Variants in ZBTB20 observed in about 807,000 individuals in gnomAD.
The protein encoded by ZBTB20 is zinc finger and BTB domain containing 20.
Under a neutral mutation model 56.9 loss-of-function variants are expected in ZBTB20, and 9 were observed. That is an observed-to-expected ratio of 0.16 (90% confidence interval 0.10 to 0.28). ZBTB20 has a LOEUF of 0.28. Among genes scored for constraint, ZBTB20 ranks in the 10% least tolerant of loss-of-function variants. The pLI, the probability that ZBTB20 is intolerant of heterozygous loss-of-function variation, is 1.00. For synonymous variants in ZBTB20, 417 were observed against 420.7 expected (o/e 0.99, Z 0.11); for missense variants, 655 against 1,003.0 (o/e 0.65, Z 4.69).
chr3:114,380,452 G>C, intron 9 of ZBTB20, 48 bp from the exon 10 acceptor site: 1 of 1,459,574 alleles, frequency 6.9e-7, no homozygotes, highest in Non-Finnish European at 9.0e-7. Flanking sequence ...GCATATTTGG[G>C]AAAAGGCATT....
intron 6 of ZBTB20, among the ~76,000 whole-genome samples, chr3:114,674,514 T>C (rs906630467): frequency 5.9e-5 from 9 of 152,194 alleles, no homozygotes; most frequent in African/African-American, 2.2e-4. Context: ...CCTTGCTCTA[T>C]TTTTAATTAT....
intron 1 of ZBTB20, among the ~76,000 whole-genome samples, chr3:115,098,013 G>T (rs1386693633): frequency 6.6e-6 from 1 of 152,066 alleles, no homozygotes; most frequent in Non-Finnish European, 1.5e-5. Flanking sequence ...ACATAAAAAT[G>T]GCTACATTAT....
At chr3:114,408,882 T>C (rs1477929861) in intron 7 of ZBTB20, among the ~76,000 whole-genome samples, 2 of 152,180 alleles carry the variant, frequency 1.3e-5, no homozygotes, top group African/African-American at 2.4e-5. Flanking sequence ...TCTGATTCTC[T>C]CACACTGCCT....
At chr3:114,399,360 G>C (rs1397093641) in intron 7 of ZBTB20, among the ~76,000 whole-genome samples, 1 of 152,064 alleles carries the variant, frequency 6.6e-6, no homozygotes, top group Non-Finnish European at 1.5e-5. Context: ...ATGTTTACTT[G>C]TGTTTACCTT....
chr3:115,079,379 C>CTTAT (rs150432470), intron 1 of ZBTB20, among the ~76,000 whole-genome samples: 134,642 of 149,522 alleles, frequency 0.9, 61,856 homozygotes, highest in East Asian at 0.99. Flanking sequence ...TCAAGTCTTT[C>CTTAT]TTATTTATTT....
intron 3 of ZBTB20, among the ~76,000 whole-genome samples, chr3:114,958,258 T>C (rs1442377027): frequency 6.6e-6 from 1 of 152,258 alleles, no homozygotes; most frequent in Non-Finnish European, 1.5e-5. Context: ...GGAGAAATCA[T>C]GATTACTGTC....
At chr3:115,056,656 G>T (rs909395073) in intron 2 of ZBTB20, among the ~76,000 whole-genome samples, 4 of 152,196 alleles carry the variant, frequency 2.6e-5, no homozygotes, top group South Asian at 4.1e-4. Context: ...ACTAATGATT[G>T]CGTGAGGGTA....
At chr3:114,460,024 G>A (rs1193189309) in intron 7 of ZBTB20, among the ~76,000 whole-genome samples, 2 of 151,944 alleles carry the variant, frequency 1.3e-5, no homozygotes, top group East Asian at 1.9e-4. Flanking sequence ...AGAGCTGAGT[G>A]GCAGAGATAT....
In ZBTB20 at chr3:114,319,824, A is replaced by G. The variant is rs2078829207; in HGVS notation, c.*19181T>C. 2 of 151,866 alleles carry G rather than the reference A, an allele frequency of 1.3e-5. No individual in the cohort carries two copies. The highest frequency in any genetic ancestry group is 1.3e-4 in the Admixed American group (2 of 15,258). The allele number at this position is 151,866 out of a possible 1,614,324, so 9.4% of individuals were successfully genotyped here. On this transcript the variant is annotated 3_prime_UTR_variant, in exon 12 of 12. Coordinates refer to ENST00000675478, the MANE Select transcript of ZBTB20 (RefSeq NM_001348800.3). ...CTCAAGCATATACATATATATATAT[A>G]TATAAGCATATACATATATATATAC...
At chr3:114,800,793 A>G (rs1480712282) in intron 5 of ZBTB20, among the ~76,000 whole-genome samples, 2 of 149,304 alleles carry the variant, frequency 1.3e-5, no homozygotes, top group African/African-American at 2.5e-5. Flanking sequence ...AATAAAATAA[A>G]ATAAAAAAGC....
intron 6 of ZBTB20, among the ~76,000 whole-genome samples, chr3:114,631,605 C>T (rs71321419): frequency 2.0e-5 from 3 of 151,790 alleles, no homozygotes; most frequent in Non-Finnish European, 4.4e-5. Context: ...ATTGGTCAGG[C>T]TGGTCTTGAA....
intron 3 of ZBTB20, among the ~76,000 whole-genome samples, chr3:114,953,632 TTGA>T (rs2077149726): frequency 6.6e-6 from 1 of 152,014 alleles, no homozygotes; most frequent in Admixed American, 6.6e-5. Flanking sequence ...TCATATAATG[TTGA>T]AGAGTTAATT....
intron 3 of ZBTB20, among the ~76,000 whole-genome samples, chr3:114,925,719 G>A (rs149155822): frequency 0.016 from 2,373 of 152,104 alleles, 29 homozygotes; most frequent in African/African-American, 0.03. Flanking sequence ...GTAGAGACGG[G>A]GTTTCACCAT....
intron 2 of ZBTB20, among the ~76,000 whole-genome samples, chr3:115,022,209 T>G (rs1289551796): frequency 2.0e-5 from 3 of 150,840 alleles, no homozygotes; most frequent in Non-Finnish European, 4.5e-5. Context: ...TTTAAAAGTA[T>G]AATTTATTTA....
At chr3:114,798,123 G>A (rs528259360) in intron 5 of ZBTB20, among the ~76,000 whole-genome samples, 3 of 151,562 alleles carry the variant, frequency 2.0e-5, no homozygotes, top group South Asian at 4.2e-4. Flanking sequence ...ACCATGCGTC[G>A]TACACACCCT....
intron 7 of ZBTB20, among the ~76,000 whole-genome samples, chr3:114,438,253 G>C (rs1297393106): frequency 1.3e-5 from 2 of 152,018 alleles, no homozygotes; most frequent in African/African-American, 4.8e-5. Context: ...GGATGTGTTT[G>C]ATCACATGAT....
intron 6 of ZBTB20, among the ~76,000 whole-genome samples, chr3:114,692,658 C>A (rs2062768541): frequency 6.6e-6 from 1 of 152,116 alleles, no homozygotes; most frequent in South Asian, 2.1e-4. Context: ...CATTTCAATG[C>A]AGGTCAGCCT....
chr3:114,830,915 T>C (rs1049438622), intron 4 of ZBTB20, among the ~76,000 whole-genome samples: 3 of 151,738 alleles, frequency 2.0e-5, no homozygotes, highest in South Asian at 4.2e-4. Flanking sequence ...TACAAAAAGA[T>C]AGGGGGCTCA....
chr3:114,645,970 G>C (rs957602003), intron 6 of ZBTB20, among the ~76,000 whole-genome samples: 1 of 151,950 alleles, frequency 6.6e-6, no homozygotes, highest in African/African-American at 2.4e-5. Flanking sequence ...CCAAAGCACA[G>C]AGAAGGTCAG....
Sources: gnomAD v4.1 joint callset for allele counts (sites outside exome capture counted in the v4.1 genomes callset) on GRCh38, gnomAD v4.1.1 for gene constraint, MANE v1.5 for transcripts, NCBI Gene and HGNC (gene_info 2026-07-23, HGNC 2026-07-21) for gene names.